The following MDGA2 variants were observed in gnomAD, a reference collection of about 807,000 sequenced individuals.
MDGA2 encodes MAM domain containing glycosylphosphatidylinositol anchor 2, also known as MAM domain-containing glycosylphosphatidylinositol anchor protein 2.
MDGA2 carries 40 observed loss-of-function variants against 117.8 expected under a neutral mutation model. The ratio of observed to expected loss-of-function variants is 0.34; its 90% CI spans 0.26 to 0.44. The LOEUF is 0.44. Among genes scored for constraint, MDGA2 ranks in the 20% least tolerant of loss-of-function variants. MDGA2 has a pLI of 1.00. For missense variants in MDGA2, 1,123 were observed against 1,250.6 expected (o/e 0.90, Z 1.54); for synonymous variants, 452 against 439.0 (o/e 1.03, Z -0.37).
intron 2 of MDGA2, among the ~76,000 whole-genome samples, chr14:47,267,218 C>T (rs139016328): frequency 6.0e-4 from 91 of 151,774 alleles, no homozygotes; most frequent in African/African-American, 2.1e-3. Flanking sequence ...AAATATGATT[C>T]TTTTTTTGGT....
At chr14:47,443,034 T>C (rs548315907) in intron 1 of MDGA2, among the ~76,000 whole-genome samples, 1 of 152,246 alleles carries the variant, frequency 6.6e-6, no homozygotes, top group South Asian at 2.1e-4. Flanking sequence ...ATGGCCGCAA[T>C]GTGCAAAAAT....
chr14:47,486,917 A>C (rs1482280275), intron 1 of MDGA2, among the ~76,000 whole-genome samples: 2 of 152,180 alleles, frequency 1.3e-5, no homozygotes, highest in African/African-American at 4.8e-5. Flanking sequence ...CAGCAGCGTG[A>C]AAAAAGACTA....
intron 10 of MDGA2, among the ~76,000 whole-genome samples, chr14:46,893,640 T>C (rs370245154): frequency 1.2e-4 from 19 of 152,154 alleles, no homozygotes; most frequent in African/African-American, 4.1e-4. Context: ...CTTAAAAATG[T>C]ACAATTAAAA....
chr14:46,948,795 T>C (rs1312496541), intron 9 of MDGA2, among the ~76,000 whole-genome samples: 2 of 152,036 alleles, frequency 1.3e-5, no homozygotes, highest in East Asian at 3.9e-4. Context: ...CAAAGCTATC[T>C]CTCAGACAAG....
chr14:47,263,865 A>G (rs1887879821), intron 2 of MDGA2, among the ~76,000 whole-genome samples: 1 of 152,170 alleles, frequency 6.6e-6, no homozygotes, highest in Non-Finnish European at 1.5e-5. Context: ...TCATAAAGAA[A>G]AATAACAATT....
At chr14:47,353,855 A>G (rs1223282153) in intron 1 of MDGA2, among the ~76,000 whole-genome samples, 2 of 152,196 alleles carry the variant, frequency 1.3e-5, no homozygotes, top group East Asian at 1.9e-4. Context: ...CTACATGAAA[A>G]GAAAACTACA....
At chr14:47,506,134 T>C (rs1288267877) in intron 1 of MDGA2, among the ~76,000 whole-genome samples, 1 of 151,918 alleles carries the variant, frequency 6.6e-6, no homozygotes, top group Non-Finnish European at 1.5e-5. Flanking sequence ...GCATCTTCTC[T>C]ATAAAGAAAG....
intron 16 of MDGA2, among the ~76,000 whole-genome samples, chr14:46,844,201 A>T (rs1440697082): frequency 1.3e-5 from 2 of 152,232 alleles, no homozygotes; most frequent in Non-Finnish European, 2.9e-5. Context: ...TGTGGTGCAG[A>T]TAGGAGATTA....
At chr14:47,422,459 A>AT (rs1157294048) in intron 1 of MDGA2, among the ~76,000 whole-genome samples, 2 of 152,208 alleles carry the variant, frequency 1.3e-5, no homozygotes, top group African/African-American at 4.8e-5. Flanking sequence ...CTTCCAAAGA[A>AT]TGAGAGAACT....
chr14:47,132,136 G>C lies in MDGA2; in HGVS notation c.793-290C>G, dbSNP rs551012320. Among the ~76,000 whole-genome samples the C allele has an allele frequency of 7.2e-5, 11 of 151,860 alleles. No individual in the cohort carries two copies. In the South Asian group the frequency reaches 1.9e-3, roughly 26 times the overall value. On this transcript the variant is annotated intron_variant, in intron 4 of 16. Transcript: ENST00000399232. ...TTCTTTGCAAACTAGCTTCCTCAGG[G>C]GAAAAGTCTATTTCTGGTGGTAGTT...
intron 10 of MDGA2, among the ~76,000 whole-genome samples, chr14:46,893,319 A>G (rs1185451642): frequency 6.6e-6 from 1 of 151,996 alleles, no homozygotes; most frequent in Non-Finnish European, 1.5e-5. Context: ...AAATACACAG[A>G]AATAGAACAT....
chr14:47,640,869 T>C (rs541917480), intron 1 of MDGA2, among the ~76,000 whole-genome samples: 2 of 152,280 alleles, frequency 1.3e-5, no homozygotes, highest in East Asian at 3.9e-4. Flanking sequence ...AAGATCCCAG[T>C]GTAAGGCTGA....
At chr14:46,891,832 TATA>T (rs1300238026) in intron 10 of MDGA2, among the ~76,000 whole-genome samples, 3 of 151,342 alleles carry the variant, frequency 2.0e-5, no homozygotes, top group Non-Finnish European at 4.4e-5. Flanking sequence ...TTATAATACT[TATA>T]ATAAATATCA....
chr14:47,437,120 A>C (rs1226634874), intron 1 of MDGA2, among the ~76,000 whole-genome samples: 4 of 152,050 alleles, frequency 2.6e-5, no homozygotes, highest in African/African-American at 9.7e-5. Flanking sequence ...CAATTCCTCT[A>C]AACTCACCTC....
intron 3 of MDGA2, among the ~76,000 whole-genome samples, chr14:47,196,993 G>C (rs1477308004): frequency 6.6e-6 from 1 of 152,148 alleles, no homozygotes; most frequent in African/African-American, 2.4e-5. Context: ...CAAAGGACAT[G>C]ATTTCATTAT....
intron 10 of MDGA2, among the ~76,000 whole-genome samples, chr14:46,895,683 C>T (rs369933881): frequency 6.6e-6 from 1 of 151,292 alleles, no homozygotes; most frequent in South Asian, 2.1e-4. Context: ...GCCGAGATCG[C>T]GCCAGTGCAC....
rs1880630939 is a variant in MDGA2, at chr14:46,841,953, G to A, written c.3056C>T (p.Ser1019Phe). ...IWLFPIIVLI[S>F]ILSPRR ...AGGTCACCTTCGAGGACTTAAGATA[G>A]AGATGAGGACGATAATGGGAAAAAG... The change falls in exon 17 of 17, where the codon TCT (serine) becomes TTT (phenylalanine). Residue 1019 changes from serine to phenylalanine, a missense_variant. Coordinates refer to ENST00000399232, the MANE Select transcript of MDGA2 (RefSeq NM_001113498.3). 1 of 1,611,834 alleles carries A rather than the reference G, an allele frequency of 6.2e-7. No homozygotes were observed. The highest frequency in any genetic ancestry group is 8.5e-7 in the Non-Finnish European group (1 of 1,178,560).
chr14:47,057,084 G>A (rs911473351), intron 7 of MDGA2, among the ~76,000 whole-genome samples: 3 of 151,972 alleles, frequency 2.0e-5, no homozygotes, highest in African/African-American at 7.2e-5. Context: ...TCATATCAAT[G>A]AATATCAGCC....
chr14:47,155,526 T>G (rs1304741570), intron 3 of MDGA2, among the ~76,000 whole-genome samples: 1 of 152,108 alleles, frequency 6.6e-6, no homozygotes, highest in Non-Finnish European at 1.5e-5. Context: ...GAAAGCCGCT[T>G]GCAGTACGCC....
Sources: gnomAD v4.1 joint callset for allele counts (sites outside exome capture counted in the v4.1 genomes callset) on GRCh38, gnomAD v4.1.1 for gene constraint, MANE v1.5 for transcripts, NCBI Gene and HGNC (gene_info 2026-07-23, HGNC 2026-07-21) for gene names.